The following CCDC141 variants were observed in gnomAD, a reference collection of about 807,000 sequenced individuals.
CCDC141 encodes the protein coiled-coil domain containing 141, also known as coiled-coil domain-containing protein 141.
A neutral mutation model predicts 181.0 loss-of-function variants in CCDC141; 168 were observed. That is an observed-to-expected ratio of 0.93 (90% confidence interval 0.82 to 1.05). The LOEUF is 1.05. Among genes scored for constraint, CCDC141 ranks in the 50% least tolerant of loss-of-function variants. CCDC141 has a pLI of 0.00. For synonymous variants in CCDC141, 666 were observed against 642.3 expected, an observed-to-expected ratio of 1.04 and a Z score of -0.56; for missense variants, 1,902 against 1,788.5, an observed-to-expected ratio of 1.06 and a Z score of -1.14.
intron 6 of CCDC141, among the ~76,000 whole-genome samples, chr2:178,938,045 CA>C (rs1374055246): frequency 6.6e-6 from 1 of 151,872 alleles, no homozygotes; most frequent in Non-Finnish European, 1.5e-5. Flanking sequence ...AATGTTTTTT[CA>C]TGTCTTCATT....
At chr2:178,977,949 CTTGTA>C (rs1483078860) in intron 3 of CCDC141, among the ~76,000 whole-genome samples, 7 of 152,164 alleles carry the variant, frequency 4.6e-5, no homozygotes, top group African/African-American at 1.7e-4. Flanking sequence ...TTTTCCTTCT[CTTGTA>C]TTGTAAGGTG....
chr2:178,914,580 C>T (rs1688359476), intron 7 of CCDC141, among the ~76,000 whole-genome samples: 1 of 152,158 alleles, frequency 6.6e-6, no homozygotes, highest in Non-Finnish European at 1.5e-5. Context: ...TAATCAATTG[C>T]ACTCCTGGAG....
chr2:179,004,683 T>C (rs1355611830), intron 2 of CCDC141, among the ~76,000 whole-genome samples: 1 of 152,202 alleles, frequency 6.6e-6, no homozygotes, highest in Non-Finnish European at 1.5e-5. Flanking sequence ...CCTTGTCCTC[T>C]CTAGTAAGTA....
At chr2:178,863,916 G>A (rs1403102907) in intron 17 of CCDC141, among the ~76,000 whole-genome samples, 1 of 152,174 alleles carries the variant, frequency 6.6e-6, no homozygotes, top group East Asian at 1.9e-4. Flanking sequence ...ATCCTGGGGC[G>A]TACCTACTAT....
rs10165177 is a variant in CCDC141, at chr2:178,868,253, A to G, written c.2395-48T>C. 1,249,327 of 1,488,512 alleles carry G rather than the reference A, an allele frequency of 0.84. 524,486 individuals are homozygous for G. Among genetic ancestry groups the G allele is most frequent in the East Asian group, 0.97 (41,563 of 42,824 alleles). The allele number at this position is 1,488,512 out of a possible 1,614,324, so 92.2% of individuals were successfully genotyped here. On this transcript the variant is annotated intron_variant, in intron 15 of 23. Transcript: ENST00000443758. ...TTAACCTGGGTTTTATATGAAGACAAATTTTTTTTTAAGCCTAATTTCTAT... is the reference window on the plus strand; with the variant it reads ...TTAACCTGGGTTTTATATGAAGACAGATTTTTTTTTAAGCCTAATTTCTAT...
At position 178,878,102 on chromosome 2, in the gene CCDC141, G is replaced by A. The variant is rs756799789; in HGVS notation, c.1761C>T (p.Thr587=). Residue 587 remains threonine, a synonymous_variant, in exon 12 of 24, where the codon ACC becomes ACT. Coordinates refer to ENST00000443758, the MANE Select transcript of CCDC141 (RefSeq NM_173648.4). ...QFQSLKEFYE[T]EIPQKEQDDA... ...CATCCTGCTCCTTCTGAGGGATTTCGGTTTCATAAAATTCTTTTAAGCTCT... is the reference window on the plus strand; with the variant it reads ...CATCCTGCTCCTTCTGAGGGATTTCAGTTTCATAAAATTCTTTTAAGCTCT... 2.9e-5 allele frequency: 46 copies of A among 1,606,648 alleles called. No homozygotes were observed. Among genetic ancestry groups the A allele is most frequent in the Admixed American group, 1.9e-4 (11 of 57,982 alleles).
At chr2:178,863,540 T>C (rs1026539351) in intron 17 of CCDC141, among the ~76,000 whole-genome samples, 1 of 152,346 alleles carries the variant, frequency 6.6e-6, no homozygotes, top group East Asian at 1.9e-4. Context: ...TTATTACCAC[T>C]GTGGAAACTG....
intron 4 of CCDC141, among the ~76,000 whole-genome samples, chr2:178,969,104 CAAAAAAAAAAAAAAA>C (rs55999054): frequency 3.9e-4 from 20 of 51,176 alleles, no homozygotes; most frequent in Non-Finnish European, 5.6e-4. Context: ...GCTTACCAAC[CAAAAAAAAAAAAAAA>C]AAAAAAAAAA....
downstream of CCDC141, chr2:178,825,414 T>C (rs927947029): frequency 7.9e-5 from 12 of 152,320 alleles, no homozygotes; most frequent in African/African-American, 2.6e-4. Flanking sequence ...TCTTTTATTT[T>C]ATTTTGATCA....
In CCDC141 at chr2:178,944,552, G is replaced by A. The variant is rs1689651618; in HGVS notation, c.880C>T (p.Leu294=). Residue 294 remains leucine (L), a synonymous_variant, in exon 6 of 24, where the codon CTG becomes TTG. Coordinates refer to ENST00000443758, the MANE Select transcript of CCDC141 (RefSeq NM_173648.4). ...NEDRIHKQEE[L]IIKAKEWNSA... is the part of the protein sequence containing the mutation. ...TCTCTTACCTTTGCTTTTATTATCA[G>A]TTCCTCTTGCTTATGAATTCGATCC... 3.3e-6 allele frequency: 5 copies of A among 1,507,336 alleles called. No homozygotes were observed. Among genetic ancestry groups the A allele is most frequent in the Non-Finnish European group, 3.6e-6 (4 of 1,118,562 alleles). 93.4% of individuals were successfully genotyped at this position (1,507,336 alleles called of 1,614,324 possible).
rs1453063360 is a variant in CCDC141, at chr2:178,955,654, A to G, written c.780+5576T>C. ...TCATTTGTTTGTTTAGTTTTTTTTA[A>G]TAAATGTGTGTGTGCCTATGACTAT... On this transcript the variant is annotated intron_variant, in intron 5 of 23. Transcript: ENST00000443758. 5.3e-5 allele frequency among the ~76,000 whole-genome samples: 8 copies of G among 152,204 alleles called. No homozygotes were observed. In the South Asian group the frequency reaches 1.2e-3, roughly 24 times the overall value.
chr2:178,973,185 G>T (rs1313593321), intron 4 of CCDC141, among the ~76,000 whole-genome samples: 1 of 152,014 alleles, frequency 6.6e-6, no homozygotes, highest in Non-Finnish European at 1.5e-5. Flanking sequence ...GAATTAGTTG[G>T]TTAATAAATT....
At chr2:178,920,192 G>A (rs967137082) in intron 6 of CCDC141, among the ~76,000 whole-genome samples, 3 of 152,266 alleles carry the variant, frequency 2.0e-5, no homozygotes, top group East Asian at 1.9e-4. Context: ...CTTGTGAAGC[G>A]TGGAAAATTT....
intron 5 of CCDC141, among the ~76,000 whole-genome samples, chr2:178,945,196 G>A (rs1239528199): frequency 2.6e-5 from 4 of 152,134 alleles, no homozygotes; most frequent in Non-Finnish European, 5.9e-5. Flanking sequence ...ATACAGTGCT[G>A]AAACTACAAA....
At chr2:178,828,454 C>G (rs1453443813), downstream of CCDC141, among the ~76,000 whole-genome samples, 1 of 152,186 alleles carries the variant, frequency 6.6e-6, no homozygotes, top group Non-Finnish European at 1.5e-5. Flanking sequence ...ATTTAATCTA[C>G]TAACCCAGAC....
At chr2:178,988,268 G>A (rs1244134889) in intron 2 of CCDC141, among the ~76,000 whole-genome samples, 3 of 144,864 alleles carry the variant, frequency 2.1e-5, no homozygotes, top group African/African-American at 7.7e-5. Flanking sequence ...GAATTGAACA[G>A]TGAGATCACA....
chr2:178,948,746 G>A (rs1051100247), intron 5 of CCDC141, among the ~76,000 whole-genome samples: 1 of 152,124 alleles, frequency 6.6e-6, no homozygotes, highest in Non-Finnish European at 1.5e-5. Context: ...AAACAGCCTA[G>A]TGTCTCCACG....
intron 2 of CCDC141, among the ~76,000 whole-genome samples, chr2:179,013,658 G>A (rs988272698): frequency 6.6e-6 from 1 of 152,004 alleles, no homozygotes; most frequent in African/African-American, 2.4e-5. Context: ...CATAGCCAAA[G>A]CAAGACTAAG....
Position 178,834,412 on chromosome 2 carries a change from C to T in CCDC141, c.4354G>A (p.Asp1452Asn). 2 of 1,536,412 alleles carry T rather than the reference C, an allele frequency of 1.3e-6. No individual in the cohort carries two copies. Among genetic ancestry groups the T allele is most frequent in the Non-Finnish European group, 1.7e-6 (2 of 1,146,886 alleles). Residue 1452 changes from aspartate to asparagine, a missense_variant, in exon 24 of 24, where the codon GAT (aspartate) becomes AAT (asparagine). Asp to Asn is a conservative substitution (Grantham distance 23, BLOSUM62 1). Transcript: ENST00000443758. ...TTGTGTAAAACCTGTAAGTGCCCATCTGCAGACAATTTCTGGCCCTTCTTG... is the reference window on the plus strand; with the variant it reads ...TTGTGTAAAACCTGTAAGTGCCCATTTGCAGACAATTTCTGGCCCTTCTTG... The part of the protein sequence containing the change: ...WYKKGQKLSA[D>N]GHLQVLHKET...
Sources: allele counts gnomAD v4.1 joint callset (sites outside exome capture counted in the v4.1 genomes callset), GRCh38; gene constraint gnomAD v4.1.1; transcripts MANE v1.5; gene names NCBI Gene and HGNC (gene_info 2026-07-23, HGNC 2026-07-21).